AGAP1: variants seen among roughly 807,000 people sequenced by gnomAD.
The protein encoded by AGAP1 is ArfGAP with GTPase domain, ankyrin repeat and PH domain 1.
Under a neutral mutation model 105.3 loss-of-function variants are expected in AGAP1, and 29 were observed. That is an observed-to-expected ratio of 0.28 (90% CI 0.21 to 0.38). The LOEUF (loss-of-function observed/expected upper bound fraction) is 0.38. Ranked by LOEUF, AGAP1 falls within the 10% of genes least tolerant of loss-of-function variation. The probability of loss-of-function intolerance (pLI) is 1.00; values close to 1 mark genes in which losing one functional copy is unlikely to be tolerated. For synonymous variants in AGAP1, 509 were observed against 485.9 expected (o/e 1.05, Z -0.63); for missense variants, 998 against 1,165.1 (o/e 0.86, Z 2.09).
intron 1 of AGAP1, among the ~76,000 whole-genome samples, chr2:235,640,159 A>T (rs1354738948): frequency 6.6e-6 from 1 of 152,210 alleles, no homozygotes; most frequent in African/African-American, 2.4e-5. Flanking sequence ...TCAGAAACTC[A>T]CTTTGCTGTT....
At chr2:235,523,909 G>A (rs913451943) in intron 1 of AGAP1, among the ~76,000 whole-genome samples, 4 of 151,634 alleles carry the variant, frequency 2.6e-5, no homozygotes, top group East Asian at 1.9e-4. Context: ...GGATTGCAGC[G>A]TGCCTCCTCA....
chr2:235,962,616 G>A lies in AGAP1; in HGVS notation c.1484-5846G>A, dbSNP rs1008006250. ...GAGACCATGAGAGAGGGTGTCTGAGGTCCAGGGCAGAAGAGATTCATGAGG... is the reference window on the plus strand; with the variant it reads ...GAGACCATGAGAGAGGGTGTCTGAGATCCAGGGCAGAAGAGATTCATGAGG... On this transcript the variant is annotated intron_variant, in intron 12 of 17. Transcript: ENST00000304032. The surrounding 1 kb of genome is among the most constrained non-coding windows in gnomAD (Gnocchi z 5.3). Among the ~76,000 whole-genome samples, 2 of 152,028 alleles carry A rather than the reference G, an allele frequency of 1.3e-5. No homozygotes were observed. Among genetic ancestry groups the A allele is most frequent in the African/African-American group, 4.8e-5 (2 of 41,378 alleles).
rs1339260290 is a variant in AGAP1 at position 235,614,719 on chromosome 2, G to A, written c.164-94460G>A. 3.9e-5 allele frequency among the ~76,000 whole-genome samples: 6 copies of A among 152,182 alleles called. No individual in the cohort carries two copies. In the East Asian group the frequency reaches 5.8e-4, roughly 15 times the overall value. ...TTTTCCACACGCTTAGGGAAGATAC[G>A]AGACTGGCTAACTCAGTATTCACCG... is the stretch of plus-strand genomic sequence containing the variant. On this transcript the variant is annotated intron_variant, in intron 1 of 17. Coordinates refer to ENST00000304032, the MANE Select transcript of AGAP1 (RefSeq NM_001037131.3). This position sits in a 1 kb window ranked among gnomAD's most constrained non-coding sequence, Gnocchi z 4.7.
rs79635126 is a variant in AGAP1, at chr2:235,619,237, G to A, written c.164-89942G>A. Among the ~76,000 whole-genome samples the A allele has an allele frequency of 3.3e-3, 503 of 152,330 alleles. 3 individuals are homozygous for A. The highest frequency in any genetic ancestry group is 6.1e-3 in the Non-Finnish European group (418 of 68,032). ...GGTAATAGGGAACTCACGCAGTAAG[G>A]ACAGGGCGATCCCCACTTTACCATG... On this transcript the variant is annotated intron_variant, in intron 1 of 17. Transcript: ENST00000304032.
At chr2:235,544,335 C>T (rs1943553832) in intron 1 of AGAP1, among the ~76,000 whole-genome samples, 1 of 152,150 alleles carries the variant, frequency 6.6e-6, no homozygotes, top group South Asian at 2.1e-4. Flanking sequence ...GTTTGTGCCT[C>T]CTGCCGTTGC....
intron 1 of AGAP1, among the ~76,000 whole-genome samples, chr2:235,603,548 G>A (rs908290293): frequency 1.3e-5 from 2 of 152,196 alleles, no homozygotes; most frequent in African/African-American, 4.8e-5. Flanking sequence ...CAGTTCAGGT[G>A]CTAGGAGGCA....
chr2:236,021,156 A>G (rs1239002706), intron 13 of AGAP1, among the ~76,000 whole-genome samples: 1 of 141,316 alleles, frequency 7.1e-6, no homozygotes, highest in Non-Finnish European at 1.5e-5. Context: ...ACAGAGCAAG[A>G]TTCTGTCTCA....
chr2:236,089,185 A>G lies in AGAP1; in HGVS notation c.2115-31007A>G, dbSNP rs922297377. Among the ~76,000 whole-genome samples, 3 of 152,224 alleles carry G rather than the reference A, an allele frequency of 2.0e-5. No individual in the cohort carries two copies. The highest frequency in any genetic ancestry group is 4.4e-5 in the Non-Finnish European group (3 of 68,048). ...CAGTTTGTACATTTCTGCATGGATG[A>G]GGTCTTTTCAAAGCACATACAGTTG... On this transcript the variant is annotated intron_variant, in intron 16 of 17. Coordinates refer to ENST00000304032, the MANE Select transcript of AGAP1 (RefSeq NM_001037131.3). The surrounding 1 kb of genome is among the most constrained non-coding windows in gnomAD (Gnocchi z 5.6).
At position 235,761,648 on chromosome 2, in the gene AGAP1, A is replaced by G. The variant is rs527605796; in HGVS notation, c.673+11160A>G. ...TTCTGCTCTTTCTAATGTTTTTAAA[A>G]TGATTAAGTAGTGATGTACTTTTTG... is the stretch of plus-strand genomic sequence containing the variant. On this transcript the variant is annotated intron_variant, in intron 6 of 17. Coordinates refer to ENST00000304032, the MANE Select transcript of AGAP1 (RefSeq NM_001037131.3). Among the ~76,000 whole-genome samples, 3 of 152,330 alleles carry G rather than the reference A, an allele frequency of 2.0e-5. No individual in the cohort carries two copies. The South Asian group carries it at 6.2e-4, about 32-fold the overall frequency.
Position 235,877,573 on chromosome 2 carries a change from C to T in AGAP1, c.1051-5772C>T, listed in dbSNP as rs944553452. On this transcript the variant is annotated intron_variant, in intron 9 of 17. Coordinates refer to ENST00000304032, the MANE Select transcript of AGAP1 (RefSeq NM_001037131.3). The surrounding 1 kb of genome is among the most constrained non-coding windows in gnomAD (Gnocchi z 4.3). ...TGAGTGATTTACATGTTGCGTCTCC[C>T]TCAGCGCTGTCCCCCTTAGCACCAC... 1.3e-5 allele frequency among the ~76,000 whole-genome samples: 2 copies of T among 152,170 alleles called. No individual in the cohort carries two copies. Among genetic ancestry groups the T allele is most frequent in the African/African-American group, 4.8e-5 (2 of 41,440 alleles).
intron 16 of AGAP1, among the ~76,000 whole-genome samples, chr2:236,117,930 G>A (rs989467668): frequency 6.6e-6 from 1 of 152,122 alleles, no homozygotes; most frequent in Non-Finnish European, 1.5e-5. Flanking sequence ...GTGGGGGCCG[G>A]TGTCAGTTCT....
At chr2:235,917,714 A>G (rs1169532295) in intron 11 of AGAP1, among the ~76,000 whole-genome samples, 1 of 152,190 alleles carries the variant, frequency 6.6e-6, no homozygotes, top group East Asian at 1.9e-4. Flanking sequence ...CTAAGAGTGC[A>G]TTAGGAACAG....
In AGAP1 at chr2:236,094,565, T is replaced by A. The variant is rs868486710; in HGVS notation, c.2115-25627T>A. 4.6e-5 allele frequency among the ~76,000 whole-genome samples: 7 copies of A among 151,952 alleles called. No homozygotes were observed. The South Asian group carries it at 1.2e-3, about 27-fold the overall frequency. On this transcript the variant is annotated intron_variant, in intron 16 of 17. Coordinates refer to ENST00000304032, the MANE Select transcript of AGAP1 (RefSeq NM_001037131.3). Reference sequence around the variant, plus strand: ...CCAGGCTTCACCGTGTTGTTCAGGCTGGTCTTGATCTCCTGGATTCAAGCG... The same window carrying A: ...CCAGGCTTCACCGTGTTGTTCAGGCAGGTCTTGATCTCCTGGATTCAAGCG...
At chr2:235,813,829 G>A (rs1157610903) in intron 9 of AGAP1, among the ~76,000 whole-genome samples, 1 of 152,224 alleles carries the variant, frequency 6.6e-6, no homozygotes, top group African/African-American at 2.4e-5. Context: ...TGGAGAATGA[G>A]TGCAACGTTT....
chr2:236,062,431 C>T lies in AGAP1; in HGVS notation c.2114+13150C>T, dbSNP rs1230348864. Among the ~76,000 whole-genome samples, 3 of 144,560 alleles carry T rather than the reference C, an allele frequency of 2.1e-5. No homozygotes were observed. The highest frequency in any genetic ancestry group is 4.4e-5 in the Non-Finnish European group (3 of 67,568). The allele number at this position is 144,560 out of a possible 152,430, so 94.8% of individuals were successfully genotyped here. On this transcript the variant is annotated intron_variant, in intron 16 of 17. Coordinates refer to ENST00000304032, the MANE Select transcript of AGAP1 (RefSeq NM_001037131.3). This position sits in a 1 kb window ranked among gnomAD's most constrained non-coding sequence, Gnocchi z 4.2. ...GGATTCTAGGAGCATACTCAGGACT[C>T]GTATTTTGTTGTTGTTGTTGTTGTT...
chr2:235,572,104 T>C (rs1360118041), intron 1 of AGAP1, among the ~76,000 whole-genome samples: 3 of 151,104 alleles, frequency 2.0e-5, no homozygotes, highest in African/African-American at 7.3e-5. Flanking sequence ...CTTTGGGGGC[T>C]TAGCCTCTAA....
chr2:235,595,455 A>G (rs575229495), intron 1 of AGAP1, among the ~76,000 whole-genome samples: 1 of 152,314 alleles, frequency 6.6e-6, no homozygotes, highest in East Asian at 1.9e-4. Context: ...TGCTGCCTTA[A>G]TGTGCCTGCT....
intron 13 of AGAP1, among the ~76,000 whole-genome samples, chr2:235,974,558 T>C (rs1052767126): frequency 6.6e-6 from 1 of 152,240 alleles, no homozygotes; most frequent in Non-Finnish European, 1.5e-5. Flanking sequence ...GGTTGTTCAT[T>C]CTGGTCTTTA....
At chr2:235,942,684 A>AC (rs2053317306) in intron 12 of AGAP1, among the ~76,000 whole-genome samples, 1 of 117,754 alleles carries the variant, frequency 8.5e-6, no homozygotes, top group Non-Finnish European at 1.8e-5. Flanking sequence ...AAAAAAAAAA[A>AC]ATTACATTTT....
Sources: gnomAD v4.1 joint callset for allele counts (sites outside exome capture counted in the v4.1 genomes callset) on GRCh38, gnomAD v4.1.1 for gene constraint, Gnocchi (gnomAD v3.1) non-coding constraint, MANE v1.5 for transcripts, NCBI Gene and HGNC (gene_info 2026-07-23, HGNC 2026-07-21) for gene names.